The following TRAK2 variants were observed in gnomAD, a reference collection of about 807,000 sequenced individuals.
TRAK2 encodes the protein trafficking kinesin-binding protein 2.
A neutral mutation model predicts 104.6 loss-of-function variants in TRAK2; 81 were observed. The ratio of observed to expected loss-of-function variants is 0.77; its 90% CI spans 0.65 to 0.93. The LOEUF is 0.93. TRAK2 is among the 40% of genes least tolerant of loss of function. The pLI, the probability that TRAK2 is intolerant of heterozygous loss-of-function variation, is 0.00. For synonymous variants in TRAK2, 406 were observed against 394.4 expected, an observed-to-expected ratio of 1.03 and a Z score of -0.35; for missense variants, 1,002 against 1,089.0, an observed-to-expected ratio of 0.92 and a Z score of 1.12.
chr2:201,393,013 G>A lies in TRAK2; in HGVS notation c.1009C>T (p.Leu337=), dbSNP rs200243944. 40 of 1,613,506 alleles carry A rather than the reference G, an allele frequency of 2.5e-5. No homozygotes were observed. The African/African-American group carries it at 5.2e-4, about 21-fold the overall frequency. ...TCTTGGGATTCATGTAACATTCCTA[G>A]ACACTCCATATTCCTGTCTTGTAAC... is the stretch of plus-strand genomic sequence containing the variant. ...HELQDRNMEC[L]GMLHESQEEI... The change falls in exon 10 of 16, where the codon CTA becomes TTA. Residue 337 remains leucine, a synonymous_variant. Coordinates refer to ENST00000332624, the MANE Select transcript of TRAK2 (RefSeq NM_015049.3).
chr2:201,408,242 C>A (rs926876631), intron 2 of TRAK2, among the ~76,000 whole-genome samples: 1 of 152,182 alleles, frequency 6.6e-6, no homozygotes, highest in Non-Finnish European at 1.5e-5. Flanking sequence ...CATGCAGATA[C>A]CACAAATCTG....
Position 201,405,849 on chromosome 2 carries a change from G to A in TRAK2, c.286+1554C>T, listed in dbSNP as rs572093389. 5.3e-5 allele frequency among the ~76,000 whole-genome samples: 8 copies of A among 152,206 alleles called. No homozygotes were observed. The South Asian group carries it at 1.7e-3, about 32-fold the overall frequency. ...AATACAAAAATTAGCCAGCATAGTG[G>A]CGCCCGCCTATAATCCCAGCTACTC... is the stretch of plus-strand genomic sequence containing the variant. On this transcript the variant is annotated intron_variant, in intron 3 of 15. Coordinates refer to ENST00000332624, the MANE Select transcript of TRAK2 (RefSeq NM_015049.3).
chr2:201,410,832 G>C lies in TRAK2; in HGVS notation c.92-3235C>G, dbSNP rs1295263130. Reference sequence around the variant, plus strand: ...GATTATTAAGGGCAGACATATCTGTGGGTCTTTGTTGGGTTGGCTTCGCAC... The same window carrying C: ...GATTATTAAGGGCAGACATATCTGTCGGTCTTTGTTGGGTTGGCTTCGCAC... On this transcript the variant is annotated intron_variant, in intron 2 of 15. Coordinates refer to ENST00000332624, the MANE Select transcript of TRAK2 (RefSeq NM_015049.3). The C allele has an allele frequency of 1.9e-6, 3 of 1,606,376 alleles. No individual in the cohort carries two copies. The African/African-American group carries it at 4.0e-5, about 21-fold the overall frequency.
At chr2:201,388,156 A>G in intron 12 of TRAK2, 155 bp from the exon 13 acceptor site, 1 of 740,988 alleles carries the variant, frequency 1.3e-6, no homozygotes, top group South Asian at 1.5e-5. Context: ...AACAAACCAA[A>G]ATCACCAACA....
chr2:201,438,907 C>T (rs539184598), intron 1 of TRAK2, among the ~76,000 whole-genome samples: 51 of 152,252 alleles, frequency 3.3e-4, no homozygotes, highest in Admixed American at 1.8e-3. Context: ...GACTTTGGTT[C>T]TGTTTTTAAG....
chr2:201,422,110 T>A (rs142652431), intron 1 of TRAK2, among the ~76,000 whole-genome samples: 1 of 148,988 alleles, frequency 6.7e-6, no homozygotes, highest in East Asian at 2.0e-4. Context: ...TATTTGGCAA[T>A]GTCTACCAAA....
intron 3 of TRAK2, among the ~76,000 whole-genome samples, chr2:201,405,882 T>C (rs1002096236): frequency 6.6e-6 from 1 of 152,120 alleles, no homozygotes; most frequent in Admixed American, 6.5e-5. Flanking sequence ...CTCAGGAGGC[T>C]GAGGCAGGAG....
intron 2 of TRAK2, among the ~76,000 whole-genome samples, 190 bp downstream of exon 2, chr2:201,420,227 T>A (rs977037882): frequency 1.2e-4 from 19 of 152,108 alleles, no homozygotes; most frequent in Non-Finnish European, 2.6e-4. Flanking sequence ...GGAAATAACA[T>A]GAAAGGCAGA....
At chr2:201,428,668 T>G (rs1057203176) in intron 1 of TRAK2, among the ~76,000 whole-genome samples, 16 of 152,232 alleles carry the variant, frequency 1.1e-4, no homozygotes, top group Non-Finnish European at 2.2e-4. Context: ...TTTGGTTACA[T>G]ATGAACTTTA....
Position 201,411,449 on chromosome 2 carries a change from T to C in TRAK2, c.92-3852A>G, listed in dbSNP as rs969980334. On this transcript the variant is annotated intron_variant, in intron 2 of 15. Coordinates refer to ENST00000332624, the MANE Select transcript of TRAK2 (RefSeq NM_015049.3). The stretch of plus-strand genomic sequence containing the variant: ...CTTTTGTCTCCTCAGAAACATTCAT[T>C]TGATTTCCTATGTCCAAAGATTTCT... 7.9e-5 allele frequency: 59 copies of C among 744,358 alleles called. No homozygotes were observed. In the African/African-American group the frequency reaches 8.9e-4, roughly 11 times the overall value. 46.1% of individuals were successfully genotyped at this position (744,358 alleles called of 1,614,324 possible). A position where few individuals can be genotyped will look rare whatever the true frequency, so the allele number is the denominator to read the frequency against.
chr2:201,394,812 G>A lies in TRAK2; in HGVS notation c.961C>T (p.Gln321Ter), dbSNP rs1951485413. The A allele has an allele frequency of 1.2e-6, 2 of 1,613,622 alleles. No individual in the cohort carries two copies. Residue 321 changes from glutamine to a stop codon, truncating the protein, a stop_gained, in exon 9 of 16, where the codon CAA becomes TAA. Transcript: ENST00000332624. LOFTEE classifies it high-confidence loss of function. ...GATTTCATTACCTCCATTGTCAGTT[G>A]CCGTTGGGCATCTTTGGAAGCTTGC... ...HLQASKDAQR[Q>*]LTMELHELQD...
intron 1 of TRAK2, 134 bp from the exon 2 acceptor site, chr2:201,420,840 G>A: frequency 5.3e-6 from 1 of 188,734 alleles, no homozygotes; most frequent in African/African-American, 2.4e-5. Context: ...TAATTATGCT[G>A]GAAGAAAGAA....
chr2:201,397,664 G>C (rs1231006211), intron 6 of TRAK2, 84 bp from the exon 7 acceptor site: 2 of 1,007,558 alleles, frequency 2.0e-6, no homozygotes, highest in African/African-American at 3.3e-5. Context: ...CTCATTTGAA[G>C]ACTAAATTTC....
At chr2:201,427,456 A>G (rs996433502) in intron 1 of TRAK2, among the ~76,000 whole-genome samples, 9 of 152,090 alleles carry the variant, frequency 5.9e-5, no homozygotes, top group African/African-American at 1.7e-4. Flanking sequence ...TTTGCTCACA[A>G]TGATGGTTTC....
chr2:201,413,068 T>G, intron 2 of TRAK2: 1 of 848,170 alleles, frequency 1.2e-6, no homozygotes, highest in South Asian at 1.4e-5. Context: ...GAGAATCAAT[T>G]ATTTGATCCT....
chr2:201,407,080 T>C (rs1951600818), intron 3 of TRAK2, among the ~76,000 whole-genome samples: 1 of 152,232 alleles, frequency 6.6e-6, no homozygotes, highest in Non-Finnish European at 1.5e-5. Context: ...GGATAATAAA[T>C]GTTGACAGTT....
At chr2:201,439,151 C>T (rs979342335) in intron 1 of TRAK2, among the ~76,000 whole-genome samples, 1 of 152,054 alleles carries the variant, frequency 6.6e-6, no homozygotes, top group Admixed American at 6.5e-5. Context: ...TCCTTGTAGT[C>T]TATAGTAGGG....
chr2:201,439,505 G>A (rs1951902938), intron 1 of TRAK2, among the ~76,000 whole-genome samples: 1 of 150,876 alleles, frequency 6.6e-6, no homozygotes. Context: ...TGCCATGGGA[G>A]GAAAAAAAAA....
rs1951326249 is a variant in TRAK2 at position 201,380,238 on chromosome 2, G to A, written c.*305C>T. 5 of 377,096 alleles carry A rather than the reference G, an allele frequency of 1.3e-5. No homozygotes were observed. The highest frequency in any genetic ancestry group is 1.9e-5 in the Non-Finnish European group (4 of 205,550). 23.4% of individuals were successfully genotyped at this position (377,096 alleles called of 1,614,324 possible). ...AAGTTCAGTATCTCTGTATGTTTTA[G>A]TATTACTGAATTTATTTGTATTCAC... On this transcript the variant is annotated 3_prime_UTR_variant, in exon 16 of 16. Transcript: ENST00000332624.
Sources: allele counts gnomAD v4.1 joint callset (sites outside exome capture counted in the v4.1 genomes callset), GRCh38; gene constraint gnomAD v4.1.1; transcripts MANE v1.5; gene names NCBI Gene and HGNC (gene_info 2026-07-23, HGNC 2026-07-21).